The following PCNT variants were observed in gnomAD, a reference collection of about 807,000 sequenced individuals.
The protein encoded by PCNT is pericentrin.
Under a neutral mutation model 380.4 loss-of-function variants are expected in PCNT, and 319 were observed. The ratio of observed to expected loss-of-function variants is 0.84; its 90% CI spans 0.77 to 0.92. PCNT has a LOEUF of 0.92. PCNT is among the 40% of genes least tolerant of loss of function. PCNT has a pLI of 0.00. For synonymous variants in PCNT, 1,845 were observed against 1,735.2 expected (o/e 1.06, Z -1.57); for missense variants, 4,400 against 4,255.3 (o/e 1.03, Z -0.95).
chr21:46,348,864 G>A (rs1230419880), intron 6 of PCNT, 148 bp from the exon 7 acceptor site: 5 of 621,602 alleles, frequency 8.0e-6, no homozygotes, highest in Non-Finnish European at 1.4e-5. Flanking sequence ...GGGCTCAGGC[G>A]ATCTGCCTGC....
At chr21:46,365,996 GGGGTTCTGTTCACTGCCGT>G (rs1308423501) in intron 14 of PCNT, among the ~76,000 whole-genome samples, 9 of 150,814 alleles carry the variant, frequency 6.0e-5, no homozygotes, top group African/African-American at 2.2e-4. Context: ...TCACTGCCGT[GGGGTTCTGTTCACTGCCGT>G]GGGGTTCTAT....
rs776515078 is a variant in PCNT at position 46,416,852 on chromosome 21, T to C, written c.6921+13T>C. The C allele has an allele frequency of 1.4e-5, 23 of 1,596,774 alleles. No homozygotes were observed. Among genetic ancestry groups the C allele is most frequent in the East Asian group, 2.2e-5 (1 of 44,880 alleles). ...GAGGACGGCTGTGGTAGGTGCCTGC[T>C]CTGCTCCCAGGCCTGCTGTTCCCGT... On this transcript the variant is annotated intron_variant, in intron 30 of 46. Coordinates refer to ENST00000359568, the MANE Select transcript of PCNT (RefSeq NM_006031.6).
In PCNT at chr21:46,444,882, G is replaced by A. The variant is rs527587210; in HGVS notation, c.9967+61G>A. The A allele has an allele frequency of 6.9e-4, 1,060 of 1,541,326 alleles. 2 individuals are homozygous for A. The highest frequency in any genetic ancestry group is 2.5e-3 in the Middle Eastern group (15 of 5,928). Reference sequence around the variant, plus strand: ...ATTATCACTGTACCCTGGAAACGTAGGGTCTGTTGAAAGATGGCTGGTATT... The same window carrying A: ...ATTATCACTGTACCCTGGAAACGTAAGGTCTGTTGAAAGATGGCTGGTATT... On this transcript the variant is annotated intron_variant, in intron 46 of 46. Coordinates refer to ENST00000359568, the MANE Select transcript of PCNT (RefSeq NM_006031.6).
At chr21:46,366,477 CTGAACAGTTGAAGTGGCATTTCCTG>C in intron 14 of PCNT, 82 bp from the exon 15 acceptor site, 1 of 911,750 alleles carries the variant, frequency 1.1e-6, no homozygotes, top group Non-Finnish European at 1.8e-6. Flanking sequence ...AAACGATGAC[CTGAACAGTTGAAGTGGCATTTCCTG>C]TGGGAAACTG....
rs149118221 is a variant in PCNT, at chr21:46,364,398, G to T, written c.2609+464G>T. Among the ~76,000 whole-genome samples the T allele has an allele frequency of 6.0e-3, 919 of 152,134 alleles. 8 individuals are homozygous for T. Among genetic ancestry groups the T allele is most frequent in the Middle Eastern group, 0.021 (6 of 292 alleles). ...TTGGACGGGCAGGCTGGCAGCTGCC[G>T]CCCCAAAGCCCCCCAAGTCTGCACT... On this transcript the variant is annotated intron_variant, in intron 14 of 46. Coordinates refer to ENST00000359568, the MANE Select transcript of PCNT (RefSeq NM_006031.6).
chr21:46,395,627 C>G (rs922700494), intron 21 of PCNT, among the ~76,000 whole-genome samples: 2 of 151,774 alleles, frequency 1.3e-5, no homozygotes, highest in African/African-American at 4.8e-5. Flanking sequence ...GACTCAGCAA[C>G]AGAGACTCCA....
intron 15 of PCNT, among the ~76,000 whole-genome samples, chr21:46,378,279 A>G (rs2085395968): frequency 6.6e-6 from 1 of 152,174 alleles, no homozygotes; most frequent in African/African-American, 2.4e-5. Context: ...CCTTAAAGGA[A>G]TCACCCTGTG....
At chr21:46,394,234 G>T (rs1160282790) in intron 21 of PCNT, among the ~76,000 whole-genome samples, 1 of 152,220 alleles carries the variant, frequency 6.6e-6, no homozygotes, top group African/African-American at 2.4e-5. Context: ...GCCGTGTTGC[G>T]TGACGCCCCC....
Position 46,397,384 on chromosome 21 carries a change from C to T in PCNT, c.4336C>T (p.Gln1446Ter), listed in dbSNP as rs1569249294. ...GATTTTGGAGTCTGAGTTAGAAGAA[C>T]AGCTGTCTCAGCATCGCGGGTGTGC... Reference protein sequence around the residue: ...MKILESELEEQLSQHRGCAKQ... With the variant: ...MKILESELEE The change falls in exon 22 of 47, where the codon CAG becomes TAG. Residue 1446 changes from glutamine to a stop codon, truncating the protein, a stop_gained. Transcript: ENST00000359568. LOFTEE classifies it high-confidence loss of function. 6.2e-7 allele frequency: 1 copy of T among 1,614,200 alleles called. No homozygotes were observed. Among genetic ancestry groups the T allele is most frequent in the Non-Finnish European group, 8.5e-7 (1 of 1,180,034 alleles).
At chr21:46,329,037 G>A (rs1382840120) in intron 2 of PCNT, among the ~76,000 whole-genome samples, 6 of 152,334 alleles carry the variant, frequency 3.9e-5, no homozygotes, top group South Asian at 4.1e-4. Context: ...GCCTCCCAAA[G>A]TGTGGGGATT....
intron 14 of PCNT, among the ~76,000 whole-genome samples, chr21:46,364,461 C>G (rs539342555): frequency 6.6e-6 from 1 of 152,362 alleles, no homozygotes; most frequent in Admixed American, 6.5e-5. Context: ...CAGTCATTGT[C>G]TCTGTTGTTC....
rs113731555 is a variant in PCNT, at chr21:46,349,086, T to C, written c.1107T>C (p.His369=). ...ENLRKELSAK[H]QSEMEDLQNQ... ...TACGCAAAGAACTGTCTGCAAAGCA[T>C]CAATCAGAAATGGAGGATTTACAAA... is the stretch of plus-strand genomic sequence containing the variant. Residue 369 remains histidine, a synonymous_variant, in exon 7 of 47, where the codon CAT becomes CAC. Coordinates refer to ENST00000359568, the MANE Select transcript of PCNT (RefSeq NM_006031.6). 239 of 1,608,474 alleles carry C rather than the reference T, an allele frequency of 1.5e-4. 3 individuals carry two copies. The African/African-American group carries it at 2.7e-3, about 18-fold the overall frequency.
intron 3 of PCNT, among the ~76,000 whole-genome samples, chr21:46,342,460 C>T (rs9980536): frequency 0.67 from 101,618 of 151,928 alleles, 34,603 homozygotes; most frequent in African/African-American, 0.78. Context: ...ACCAGCAGTG[C>T]AAAGGTTTTC....
At chr21:46,424,588 C>T (rs2087408369) in intron 32 of PCNT, among the ~76,000 whole-genome samples, 1 of 152,206 alleles carries the variant, frequency 6.6e-6, no homozygotes, top group African/African-American at 2.4e-5. Flanking sequence ...ATTTTCTCCT[C>T]TATACAGAAT....
At chr21:46,430,406 G>A in intron 36 of PCNT, 101 bp from the exon 37 acceptor site, 2 of 1,478,206 alleles carry the variant, frequency 1.4e-6, no homozygotes, top group Non-Finnish European at 1.8e-6. Flanking sequence ...AAGCACACGT[G>A]TGGGACCTGG....
rs1449970348 is a variant in PCNT at position 46,411,296 on chromosome 21, A to G, written c.5223A>G (p.Gln1741=). The part of the protein sequence containing the change: ...LQKEKAEEIE[Q]LHEVIEKLQH... ...AGGAGAAAGCAGAGGAAATTGAACAACTCCATGAAGTCATTGAGAAGCTGC... is the reference window on the plus strand; with the variant it reads ...AGGAGAAAGCAGAGGAAATTGAACAGCTCCATGAAGTCATTGAGAAGCTGC... The change falls in exon 28 of 47, where the codon CAA becomes CAG. Residue 1741 remains glutamine, a synonymous_variant. Transcript: ENST00000359568. 4.3e-6 allele frequency: 7 copies of G among 1,613,964 alleles called. No homozygotes were observed. The highest frequency in any genetic ancestry group is 5.9e-6 in the Non-Finnish European group (7 of 1,179,996).
chr21:46,329,864 G>A (rs1013136507), intron 2 of PCNT, among the ~76,000 whole-genome samples: 5 of 152,186 alleles, frequency 3.3e-5, no homozygotes, highest in Non-Finnish European at 7.3e-5. Flanking sequence ...ATGTGCTCCT[G>A]CAGCCAGGAT....
At position 46,421,988 on chromosome 21, in the gene PCNT, G is replaced by A. The variant is rs202241837; in HGVS notation, c.7043G>A (p.Gly2348Glu). The change falls in exon 32 of 47, where the codon GGA (glycine) becomes GAA (glutamate). Residue 2348 changes from glycine to glutamate, a missense_variant. Physicochemically the swap from Gly to Glu is moderately conservative, Grantham distance 98. Transcript: ENST00000359568. ...RSEKSDGSGFGARLSPGSGGP... is the reference protein window; with the variant it reads ...RSEKSDGSGFEARLSPGSGGP... ...TTTTTAGGTGACGGCTCGGGTTTTG[G>A]AGCAAGACTGAGCCCGGGGTCAGGA... is the stretch of plus-strand genomic sequence containing the variant. The A allele has an allele frequency of 3.1e-6, 5 of 1,614,088 alleles. No individual in the cohort carries two copies. In the East Asian group the frequency reaches 1.1e-4, roughly 36 times the overall value.
chr21:46,363,341 C>G, intron 13 of PCNT, 139 bp from the exon 14 acceptor site: 1 of 710,186 alleles, frequency 1.4e-6, no homozygotes, highest in Non-Finnish European at 2.5e-6. Context: ...ACATGAGAAT[C>G]ATTCCTGTTG....
Sources: gnomAD v4.1 joint callset for allele counts (sites outside exome capture counted in the v4.1 genomes callset) on GRCh38, gnomAD v4.1.1 for gene constraint, MANE v1.5 for transcripts, NCBI Gene and HGNC (gene_info 2026-07-23, HGNC 2026-07-21) for gene names.